Variants in SCAP observed in about 807,000 individuals in gnomAD.
SCAP encodes the protein sterol regulatory element-binding protein cleavage-activating protein.
In SCAP, 65 loss-of-function variants were observed where a neutral mutation model predicts 123.6. The observed-to-expected ratio is 0.53, with a 90% CI of 0.43 to 0.65. The LOEUF (loss-of-function observed/expected upper bound fraction) is 0.65. SCAP is among the 30% of genes least tolerant of loss of function. SCAP has a pLI of 0.00. For missense variants in SCAP, 1,398 were observed against 1,712.5 expected (o/e 0.82, Z 3.24); for synonymous variants, 740 against 726.3 (o/e 1.02, Z -0.30).
chr3:47,474,821 C>A (rs939521667), intron 1 of SCAP, among the ~76,000 whole-genome samples: 1 of 152,020 alleles, frequency 6.6e-6, no homozygotes, highest in Non-Finnish European at 1.5e-5. Flanking sequence ...AAAAACAAGT[C>A]TTTAGGCATC....
At chr3:47,428,480 A>T in intron 4 of SCAP, 33 bp downstream of exon 4, 1 of 1,606,946 alleles carries the variant, frequency 6.2e-7, no homozygotes, top group East Asian at 2.2e-5. Context: ...ACAGAATGGG[A>T]TTCAGGGAGG....
intron 1 of SCAP, among the ~76,000 whole-genome samples, chr3:47,472,500 T>C (rs1257934577): frequency 6.6e-6 from 1 of 150,662 alleles, no homozygotes; most frequent in Non-Finnish European, 1.5e-5. Flanking sequence ...GAAGCTGAAA[T>C]AAACAGGAAA....
intron 1 of SCAP, 24 bp from the exon 2 acceptor site, chr3:47,443,115 G>A: frequency 2.0e-6 from 3 of 1,510,298 alleles, no homozygotes; most frequent in Non-Finnish European, 2.7e-6. Flanking sequence ...AGAAAAGCCA[G>A]TTAACAAAGA....
intron 2 of SCAP, 49 bp downstream of exon 2, chr3:47,442,822 AC>A: frequency 1.3e-6 from 2 of 1,553,896 alleles, no homozygotes; most frequent in Non-Finnish European, 1.8e-6. Context: ...TAGAAAACCT[AC>A]TGTCCTAAGA....
At chr3:47,468,804 G>T (rs996639465) in intron 1 of SCAP, among the ~76,000 whole-genome samples, 2 of 152,172 alleles carry the variant, frequency 1.3e-5, no homozygotes, top group East Asian at 3.9e-4. Flanking sequence ...CATGCCTATG[G>T]CCTGAATGGT....
Position 47,419,711 on chromosome 3 carries a change from T to C in SCAP, c.1564-7A>G. ...TCCAGACAACGGTGCCAGCCTGCAGTGGGGCAGGGGGTACTCAGTGGGAGG... is the reference window on the plus strand; with the variant it reads ...TCCAGACAACGGTGCCAGCCTGCAGCGGGGCAGGGGGTACTCAGTGGGAGG... On this transcript the variant is annotated splice_polypyrimidine_tract_variant and splice_region_variant and intron_variant, in intron 12 of 22. Transcript: ENST00000265565. This position sits in a 1 kb window ranked among gnomAD's most constrained non-coding sequence, Gnocchi z 5.0. 6.6e-7 allele frequency: 1 copy of C among 1,518,708 alleles called. No individual in the cohort carries two copies. The highest frequency in any genetic ancestry group is 8.8e-7 in the Non-Finnish European group (1 of 1,133,584). The allele number at this position is 1,518,708 out of a possible 1,614,324, so 94.1% of individuals were successfully genotyped here. A position where few individuals can be genotyped will look rare whatever the true frequency, so the allele number is the denominator to read the frequency against.
chr3:47,429,332 G>A (rs944514291), intron 3 of SCAP, among the ~76,000 whole-genome samples: 2 of 152,250 alleles, frequency 1.3e-5, no homozygotes, highest in African/African-American at 4.8e-5. Context: ...GTAGGCAAAC[G>A]ATGGCCTGTA....
intron 1 of SCAP, among the ~76,000 whole-genome samples, chr3:47,446,065 G>C (rs1707028629): frequency 6.6e-6 from 1 of 151,492 alleles, no homozygotes; most frequent in Non-Finnish European, 1.5e-5. Flanking sequence ...TAGAAGAGAT[G>C]GGGTTTCACC....
Position 47,418,128 on chromosome 3 carries a change from A to T in SCAP, c.2447+6T>A. ...GCACAAAGGAGGAAAGGGCAGCCGC[A>T]CCTACCCTGGGCGCGGAATGCGCGT... On this transcript the variant is annotated splice_donor_region_variant and intron_variant, in intron 16 of 22. Transcript: ENST00000265565. The T allele has an allele frequency of 6.5e-7, 1 of 1,548,168 alleles. No homozygotes were observed. Among genetic ancestry groups the T allele is most frequent in the Non-Finnish European group, 8.7e-7 (1 of 1,145,238 alleles).
At chr3:47,431,486 G>A (rs140844740) in intron 3 of SCAP, among the ~76,000 whole-genome samples, 2 of 151,952 alleles carry the variant, frequency 1.3e-5, no homozygotes, top group African/African-American at 4.8e-5. Context: ...AGGAAACCAC[G>A]TTACGTTTAG....
At chr3:47,435,478 AC>A (rs1213056451) in intron 2 of SCAP, among the ~76,000 whole-genome samples, 2 of 143,994 alleles carry the variant, frequency 1.4e-5, no homozygotes, top group Non-Finnish European at 3.1e-5. Context: ...ATACACACAC[AC>A]ACACACACAC....
At chr3:47,433,694 C>T (rs1051489192) in intron 3 of SCAP, among the ~76,000 whole-genome samples, 4 of 152,082 alleles carry the variant, frequency 2.6e-5, no homozygotes, top group African/African-American at 9.7e-5. Context: ...TGGTGAAACC[C>T]CACCCCTACT....
intron 18 of SCAP, among the ~76,000 whole-genome samples, chr3:47,416,434 G>A (rs1705574381): frequency 6.6e-6 from 1 of 152,186 alleles, no homozygotes; most frequent in Non-Finnish European, 1.5e-5. Flanking sequence ...AGCGCACTCT[G>A]TAACTAAAAA....
chr3:47,427,671 C>T lies in SCAP; in HGVS notation c.411-4G>A. On this transcript the variant is annotated splice_region_variant and splice_polypyrimidine_tract_variant and intron_variant, in intron 4 of 22. Coordinates refer to ENST00000265565, the MANE Select transcript of SCAP (RefSeq NM_012235.4). ...CTCCAAGCTCCTGATCCCAGAGCTG[C>T]ACAGGAGACAGGACAAGGCACCTGC... is the stretch of plus-strand genomic sequence containing the variant. 1 of 1,613,080 alleles carries T rather than the reference C, an allele frequency of 6.2e-7. No individual in the cohort carries two copies. The highest frequency in any genetic ancestry group is 8.5e-7 in the Non-Finnish European group (1 of 1,179,446).
chr3:47,454,286 G>A (rs181324707), intron 1 of SCAP, among the ~76,000 whole-genome samples: 2 of 151,710 alleles, frequency 1.3e-5, no homozygotes, highest in Non-Finnish European at 2.9e-5. Context: ...AGAATGGTGT[G>A]AACCCCGGGG....
intron 1 of SCAP, among the ~76,000 whole-genome samples, chr3:47,449,554 A>G (rs1707172006): frequency 8.1e-6 from 1 of 124,064 alleles, no homozygotes; most frequent in African/African-American, 2.8e-5. Flanking sequence ...AGCAAGAGAA[A>G]AGGAGAAAAG....
chr3:47,417,998 C>CAAA (rs1705701053), intron 16 of SCAP, 136 bp downstream of exon 16: 2 of 426,016 alleles, frequency 4.7e-6, no homozygotes, highest in South Asian at 1.9e-5. Flanking sequence ...GGAGGGGGTG[C>CAAA]GGGGGTGGGG....
chr3:47,431,792 A>G (rs1442582825), intron 3 of SCAP, among the ~76,000 whole-genome samples: 1 of 152,168 alleles, frequency 6.6e-6, no homozygotes, highest in East Asian at 1.9e-4. Flanking sequence ...AGGCTTCTTC[A>G]CTGTAAAGTT....
At position 47,427,663 on chromosome 3, in the gene SCAP, C is replaced by T. The variant is rs1287285160; in HGVS notation, c.415G>A (p.Gly139Arg). ...CACAACTCCTCCAAGCTCCTGATCC[C>T]AGAGCTGCACAGGAGACAGGACAAG... Reference protein sequence around the residue: ...IRNHVLRDSSGIRSLEELCLQ... With the variant: ...IRNHVLRDSSRIRSLEELCLQ... The change falls in exon 5 of 23, where the codon GGG becomes AGG. Residue 139 changes from glycine (G) to arginine (R), a missense_variant. Gly to Arg is a moderately radical substitution (Grantham distance 125). Around this residue, in one of 7 missense-constraint regions of SCAP, gnomAD observed 319 missense variants for 432.4 expected, o/e 0.74. Transcript: ENST00000265565. 6.2e-7 allele frequency: 1 copy of T among 1,613,646 alleles called. No individual in the cohort carries two copies. The highest frequency in any genetic ancestry group is 1.1e-5 in the South Asian group (1 of 91,038).
Sources: gnomAD v4.1 joint callset for allele counts (sites outside exome capture counted in the v4.1 genomes callset) on GRCh38, gnomAD v4.1.1 for gene constraint, gnomAD v4.1.1 regional missense constraint, Gnocchi (gnomAD v3.1) non-coding constraint, MANE v1.5 for transcripts, NCBI Gene and HGNC (gene_info 2026-07-23, HGNC 2026-07-21) for gene names.